RFC3: variants seen among roughly 807,000 people sequenced by gnomAD.
RFC3 encodes the protein replication factor C subunit 3, also known as A1 38 kDa subunit.
Under a neutral mutation model 45.1 loss-of-function variants are expected in RFC3, and 41 were observed. The ratio of observed to expected loss-of-function variants is 0.91; its 90% confidence interval spans 0.71 to 1.18. The LOEUF is 1.18. Among genes scored for constraint, RFC3 ranks in the 50% most tolerant of loss-of-function variants. RFC3 has a pLI of 0.00. For synonymous variants in RFC3, 149 were observed against 144.0 expected (o/e 1.03, Z -0.25); for missense variants, 423 against 428.1 (o/e 0.99, Z 0.10).
chr13:33,903,286 C>A (rs925117418), intron 8 of RFC3, among the ~76,000 whole-genome samples: 9 of 152,038 alleles, frequency 5.9e-5, no homozygotes, highest in African/African-American at 1.9e-4. Flanking sequence ...TCCTAGATAG[C>A]AACATGATGT....
At chr13:33,909,846 A>G (rs1487112524) in intron 8 of RFC3, among the ~76,000 whole-genome samples, 1 of 152,098 alleles carries the variant, frequency 6.6e-6, no homozygotes, top group Non-Finnish European at 1.5e-5. Flanking sequence ...TTGCTCAGTA[A>G]GATTCACATT....
rs547336019 is a variant in RFC3, at chr13:33,821,444, G to A, written c.225+175G>A. ...CTGATATGGATCTGTTATAACCAGA[G>A]CAAAGCCATTTATGTTAGATAGGAA... On this transcript the variant is annotated intron_variant, in intron 2 of 8. Transcript: ENST00000380071. 2.0e-5 allele frequency among the ~76,000 whole-genome samples: 3 copies of A among 152,282 alleles called. No homozygotes were observed. The East Asian group carries it at 5.8e-4, about 29-fold the overall frequency.
intron 8 of RFC3, among the ~76,000 whole-genome samples, chr13:33,868,471 AC>A (rs2082387651): frequency 6.6e-6 from 1 of 152,224 alleles, no homozygotes; most frequent in Non-Finnish European, 1.5e-5. Flanking sequence ...AATGGAAAGT[AC>A]CTTTGATTGG....
At chr13:33,976,439 G>T in the RFC3 span, among the ~76,000 whole-genome samples, 48 of 152,180 alleles carry the variant, frequency 3.2e-4, no homozygotes, top group East Asian at 7.5e-3. Flanking sequence ...GCAGAGATGA[G>T]GAGAAGTTGG....
intron 8 of RFC3, among the ~76,000 whole-genome samples, chr13:33,919,033 C>T (rs1335791917): frequency 7.4e-5 from 5 of 67,794 alleles, no homozygotes; most frequent in African/African-American, 2.1e-4. Context: ...AGACCTTGTC[C>T]GTTCTTCTTT....
chr13:33,964,372 A>G lies in RFC3; in HGVS notation c.880-1715A>G, dbSNP rs953161. ...CAACAGTGGTTCTTCTGTGAGCCAG[A>G]TGGGTGTGGATTCCATTCAGAAGTA... is the stretch of plus-strand genomic sequence containing the variant. On this transcript the variant is annotated intron_variant, in intron 8 of 8. Transcript: ENST00000434425. Among the ~76,000 whole-genome samples, 754 of 152,300 alleles carry G rather than the reference A, an allele frequency of 5.0e-3. 7 individuals carry two copies. Among genetic ancestry groups the G allele is most frequent in the African/African-American group, 0.017 (707 of 41,558 alleles).
At chr13:33,961,479 A>C (rs895932233) in intron 8 of RFC3, among the ~76,000 whole-genome samples, 1 of 152,214 alleles carries the variant, frequency 6.6e-6, no homozygotes, top group African/African-American at 2.4e-5. Context: ...TCCTAGAAAC[A>C]GAAATAGAAT....
chr13:33,950,166 A>C (rs370454099), intron 8 of RFC3, among the ~76,000 whole-genome samples: 1 of 152,028 alleles, frequency 6.6e-6, no homozygotes, highest in Non-Finnish European at 1.5e-5. Context: ...ATTTAATTCC[A>C]TAGAATATTA....
downstream of RFC3, among the ~76,000 whole-genome samples, chr13:33,968,255 G>A (rs751330500): frequency 6.6e-6 from 1 of 152,118 alleles, no homozygotes; most frequent in Non-Finnish European, 1.5e-5. Context: ...AGCCTCCCAA[G>A]TAGCTGGGAT....
intron 8 of RFC3, among the ~76,000 whole-genome samples, chr13:33,915,489 C>T (rs2082727274): frequency 6.6e-6 from 1 of 152,146 alleles, no homozygotes; most frequent in Non-Finnish European, 1.5e-5. Context: ...AATGTACTCA[C>T]TAATCAGAAT....
At chr13:33,874,637 C>T (rs767517613) in intron 8 of RFC3, among the ~76,000 whole-genome samples, 4 of 152,154 alleles carry the variant, frequency 2.6e-5, no homozygotes, top group South Asian at 2.1e-4. Flanking sequence ...GGTGCTTCCT[C>T]TCCAAACTAT....
At chr13:33,949,016 G>A (rs1227119467) in intron 8 of RFC3, among the ~76,000 whole-genome samples, 1 of 152,166 alleles carries the variant, frequency 6.6e-6, no homozygotes, top group Non-Finnish European at 1.5e-5. Context: ...GGACATGATT[G>A]TGTTTTGAAA....
chr13:33,931,181 T>G (rs1477627020), intron 8 of RFC3, among the ~76,000 whole-genome samples: 2 of 152,080 alleles, frequency 1.3e-5, no homozygotes, highest in Non-Finnish European at 2.9e-5. Flanking sequence ...CAAAATAGAA[T>G]TTTCAAGAGC....
chr13:33,885,026 A>G (rs1357153203), intron 8 of RFC3, among the ~76,000 whole-genome samples: 1 of 152,192 alleles, frequency 6.6e-6, no homozygotes, highest in African/African-American at 2.4e-5. Flanking sequence ...TGCTGGGAAG[A>G]GGCACAGTGG....
chr13:33,854,992 A>G (rs992947384), intron 8 of RFC3, among the ~76,000 whole-genome samples: 3 of 152,168 alleles, frequency 2.0e-5, no homozygotes, highest in Non-Finnish European at 2.9e-5. Context: ...GAAACAAAAC[A>G]TAAGCTCTAT....
intron 4 of RFC3, among the ~76,000 whole-genome samples, chr13:33,828,877 T>C (rs975845236): frequency 6.6e-6 from 1 of 152,220 alleles, no homozygotes; most frequent in African/African-American, 2.4e-5. Context: ...GTTTCTAGTA[T>C]GTTCCCGTGG....
chr13:33,974,996 T>A, the RFC3 span, among the ~76,000 whole-genome samples: 1 of 152,206 alleles, frequency 6.6e-6, no homozygotes, highest in East Asian at 1.9e-4. Flanking sequence ...TGGAAGTTTC[T>A]TGTAAAGCTA....
intron 8 of RFC3, among the ~76,000 whole-genome samples, chr13:33,879,551 A>C (rs1395895971): frequency 6.6e-6 from 1 of 152,188 alleles, no homozygotes; most frequent in Admixed American, 6.5e-5. Flanking sequence ...ACTAAAACAA[A>C]AAACTTCCAA....
rs2082026868 is a variant in RFC3 at position 33,823,983 on chromosome 13, A to C, written c.292A>C (p.Ser98Arg). The C allele has an allele frequency of 2.0e-6, 3 of 1,506,894 alleles. No individual in the cohort carries two copies. The highest frequency in any genetic ancestry group is 2.7e-6 in the Non-Finnish European group (3 of 1,094,934). 93.3% of individuals were successfully genotyped at this position (1,506,894 alleles called of 1,614,324 possible). Residue 98 changes from serine (S) to arginine (R), a missense_variant and splice_region_variant, in exon 3 of 9, where the codon AGT (serine) becomes CGT (arginine). Ser to Arg is a moderately radical substitution (Grantham distance 110). Coordinates refer to ENST00000380071, the MANE Select transcript of RFC3 (RefSeq NM_002915.4). ...ASNYHLEVNP[S>R]DAGNSDRVVI... ...TAACTACCACCTTGAAGTTAATCCT[A>C]GGTAAGTTACTACTATATAGAAATT...
Sources: gnomAD v4.1 joint callset for allele counts (sites outside exome capture counted in the v4.1 genomes callset) on GRCh38, gnomAD v4.1.1 for gene constraint, MANE v1.5 for transcripts, NCBI Gene and HGNC (gene_info 2026-07-23, HGNC 2026-07-21) for gene names.